TTC7B: variants seen among roughly 807,000 people sequenced by gnomAD.
The protein encoded by TTC7B is tetratricopeptide repeat protein 7B.
TTC7B carries 28 observed loss-of-function variants against 106.8 expected under a neutral mutation model. The observed-to-expected ratio is 0.26, with a 90% confidence interval of 0.19 to 0.36. The LOEUF (loss-of-function observed/expected upper bound fraction) is 0.36. Among genes scored for constraint, TTC7B ranks in the 10% least tolerant of loss-of-function variants. The probability of loss-of-function intolerance (pLI) is 1.00; values close to 1 mark genes in which losing one functional copy is unlikely to be tolerated. For missense variants in TTC7B, 862 were observed against 1,076.4 expected, an observed-to-expected ratio of 0.80 and a Z score of 2.79; for synonymous variants, 405 against 430.6, an observed-to-expected ratio of 0.94 and a Z score of 0.74.
In TTC7B at chr14:90,570,791, G is replaced by A. The variant is rs1158124025; in HGVS notation, c.2310+7315C>T. On this transcript the variant is annotated intron_variant, in intron 19 of 19. Coordinates refer to ENST00000328459, the MANE Select transcript of TTC7B (RefSeq NM_001010854.2). This position sits in a 1 kb window ranked among gnomAD's most constrained non-coding sequence, Gnocchi z 4.0. ...ATATTTGCGGAGTGTGAGGCACCCTGCTAACTCATTTAACCCGCACAGCAA... is the reference window on the plus strand; with the variant it reads ...ATATTTGCGGAGTGTGAGGCACCCTACTAACTCATTTAACCCGCACAGCAA... 1.3e-5 allele frequency among the ~76,000 whole-genome samples: 2 copies of A among 152,184 alleles called. No individual in the cohort carries two copies. The highest frequency in any genetic ancestry group is 4.8e-5 in the African/African-American group (2 of 41,448).
intron 1 of TTC7B, among the ~76,000 whole-genome samples, chr14:90,809,621 T>G (rs999216856): frequency 1.3e-5 from 2 of 152,258 alleles, no homozygotes; most frequent in Admixed American, 6.5e-5. Context: ...TCACGTAATA[T>G]TGATGTAACT....
chr14:90,729,944 G>GAAA (rs5810520), intron 5 of TTC7B, 131 bp downstream of exon 5: 1,482 of 843,648 alleles, frequency 1.8e-3, no homozygotes, highest in Non-Finnish European at 2.1e-3. Context: ...TTCTTTAAAA[G>GAAA]AAAAAAAAAG....
rs1368423212 is a variant in TTC7B, at chr14:90,570,491, C to T, written c.2310+7615G>A. On this transcript the variant is annotated intron_variant, in intron 19 of 19. Transcript: ENST00000328459. This position sits in a 1 kb window ranked among gnomAD's most constrained non-coding sequence, Gnocchi z 4.0. ...CCCCAGGGGCCTCCACCAATGCACT[C>T]TCCCACCCTTTTCCACCTCAAAACC... Among the ~76,000 whole-genome samples the T allele has an allele frequency of 6.6e-6, 1 of 152,170 alleles. No individual in the cohort carries two copies. Among genetic ancestry groups the T allele is most frequent in the Non-Finnish European group, 1.5e-5 (1 of 68,032 alleles).
At chr14:90,783,123 G>A (rs906106033) in intron 2 of TTC7B, among the ~76,000 whole-genome samples, 4 of 152,196 alleles carry the variant, frequency 2.6e-5, no homozygotes, top group African/African-American at 9.7e-5. Flanking sequence ...CCTGGGCAGT[G>A]GGAGAACAGC....
chr14:90,731,249 C>T (rs1274097599), intron 4 of TTC7B, among the ~76,000 whole-genome samples: 1 of 152,184 alleles, frequency 6.6e-6, no homozygotes, highest in African/African-American at 2.4e-5. Context: ...CTGCGCCCGG[C>T]CTGCTGCTAC....
intron 5 of TTC7B, among the ~76,000 whole-genome samples, chr14:90,725,940 A>G (rs1451831801): frequency 6.6e-6 from 1 of 152,258 alleles, no homozygotes; most frequent in Non-Finnish European, 1.5e-5. Context: ...AGCAACCTGC[A>G]GTAACTAATT....
Position 90,578,037 on chromosome 14 carries a change from T to G in TTC7B, c.2310+69A>C, listed in dbSNP as rs1891327953. On this transcript the variant is annotated intron_variant, in intron 19 of 19. Coordinates refer to ENST00000328459, the MANE Select transcript of TTC7B (RefSeq NM_001010854.2). The surrounding 1 kb of genome is among the most constrained non-coding windows in gnomAD (Gnocchi z 4.7). Reference sequence around the variant, plus strand: ...AGCAGAAGAGGGTGTGAGGGTCATGTGCTACCTGCCGCTTCCAAGGGCTGT... The same window carrying G: ...AGCAGAAGAGGGTGTGAGGGTCATGGGCTACCTGCCGCTTCCAAGGGCTGT... 1.3e-6 allele frequency: 2 copies of G among 1,529,306 alleles called. No individual in the cohort carries two copies. Among genetic ancestry groups the G allele is most frequent in the Non-Finnish European group, 1.8e-6 (2 of 1,131,026 alleles). 94.7% of individuals were successfully genotyped at this position (1,529,306 alleles called of 1,614,324 possible).
At position 90,570,361 on chromosome 14, in the gene TTC7B, A is replaced by C. The variant is rs1279674456; in HGVS notation, c.2310+7745T>G. On this transcript the variant is annotated intron_variant, in intron 19 of 19. Transcript: ENST00000328459. The surrounding 1 kb of genome is among the most constrained non-coding windows in gnomAD (Gnocchi z 4.0). ...GCCAAGGCCAAGCCAGCAAACACTC[A>C]AAGCCTCTGCACCAAGGCAGGAGCC... Among the ~76,000 whole-genome samples, 1 of 152,240 alleles carries C rather than the reference A, an allele frequency of 6.6e-6. No homozygotes were observed. The highest frequency in any genetic ancestry group is 1.5e-5 in the Non-Finnish European group (1 of 68,044).
intron 15 of TTC7B, among the ~76,000 whole-genome samples, chr14:90,622,856 C>T (rs1366827658): frequency 6.6e-6 from 1 of 152,170 alleles, no homozygotes; most frequent in East Asian, 1.9e-4. Flanking sequence ...CCAAATCTAG[C>T]ATTTCATACA....
chr14:90,584,727 A>G (rs1020720070), intron 18 of TTC7B, among the ~76,000 whole-genome samples: 4 of 151,658 alleles, frequency 2.6e-5, no homozygotes, highest in African/African-American at 9.7e-5. Flanking sequence ...CTCGCAGCTC[A>G]AGCCGGCAGC....
At chr14:90,714,817 A>G (rs564454645) in intron 5 of TTC7B, among the ~76,000 whole-genome samples, 15 of 152,224 alleles carry the variant, frequency 9.9e-5, no homozygotes, top group African/African-American at 3.4e-4. Flanking sequence ...TAAATATGTG[A>G]ATTATACACA....
chr14:90,674,524 C>T (rs976261804), intron 9 of TTC7B, among the ~76,000 whole-genome samples: 1 of 152,210 alleles, frequency 6.6e-6, no homozygotes, highest in African/African-American at 2.4e-5. Context: ...CCCCCGTCAG[C>T]ACATGGGCCA....
At chr14:90,799,991 C>G (rs2030152907) in intron 1 of TTC7B, among the ~76,000 whole-genome samples, 1 of 152,078 alleles carries the variant, frequency 6.6e-6, no homozygotes, top group Non-Finnish European at 1.5e-5. Flanking sequence ...CGCCACCACG[C>G]CCAGCTAATT....
In TTC7B at chr14:90,781,234, T is replaced by C. The variant is rs534065302; in HGVS notation, c.277-328A>G. The stretch of plus-strand genomic sequence containing the variant: ...AGGCCACATATTGTATGCTTCCACG[T>C]GTATGAAATGTCCAGGATAGTCAAG... On this transcript the variant is annotated intron_variant, in intron 2 of 19. Coordinates refer to ENST00000328459, the MANE Select transcript of TTC7B (RefSeq NM_001010854.2). Among the ~76,000 whole-genome samples the C allele has an allele frequency of 1.4e-3, 206 of 152,252 alleles. 1 individual carries two copies. The highest frequency in any genetic ancestry group is 0.011 in the South Asian group (54 of 4,824).
intron 14 of TTC7B, among the ~76,000 whole-genome samples, chr14:90,646,462 G>C (rs1205093045): frequency 6.6e-6 from 1 of 152,216 alleles, no homozygotes; most frequent in Non-Finnish European, 1.5e-5. Flanking sequence ...GTGTGTAACT[G>C]TTCATGTTTT....
rs905529541 is a variant in TTC7B at position 90,589,111 on chromosome 14, G to A, written c.2107+4375C>T. On this transcript the variant is annotated intron_variant, in intron 18 of 19. Coordinates refer to ENST00000328459, the MANE Select transcript of TTC7B (RefSeq NM_001010854.2). ...GAGAATTCATTGTGTTGGCAAGGGC[G>A]TGAGAAAGTGGACGTTAGCACATTG... 3.3e-5 allele frequency among the ~76,000 whole-genome samples: 5 copies of A among 152,210 alleles called. No individual in the cohort carries two copies. In the East Asian group the frequency reaches 5.8e-4, roughly 18 times the overall value.
At chr14:90,632,086 G>A (rs1313167911) in intron 15 of TTC7B, among the ~76,000 whole-genome samples, 3 of 152,188 alleles carry the variant, frequency 2.0e-5, no homozygotes, top group Non-Finnish European at 2.9e-5. Flanking sequence ...CAACTCGCCT[G>A]TGTCCAAAGG....
intron 6 of TTC7B, among the ~76,000 whole-genome samples, chr14:90,694,557 A>ATAT: frequency 1.5e-5 from 2 of 130,322 alleles, no homozygotes; most frequent in Middle Eastern, 7.9e-3. Flanking sequence ...GCAAGTTCAC[A>ATAT]AGCCCAGTGA....
rs533091993 is a variant in TTC7B at position 90,528,147 on chromosome 14, T to C, written c.*13221A>G. The C allele has an allele frequency of 6.6e-6, 1 of 152,142 alleles. No homozygotes were observed. The highest frequency in any genetic ancestry group is 1.5e-5 in the Non-Finnish European group (1 of 68,036). 9.4% of individuals were successfully genotyped at this position (152,142 alleles called of 1,614,324 possible). Reference sequence around the variant, plus strand: ...CCCATACAAACCATGGAAACAGGAATGGGTGACAGCCCCACGCTCCCCTGC... The same window carrying C: ...CCCATACAAACCATGGAAACAGGAACGGGTGACAGCCCCACGCTCCCCTGC... On this transcript the variant is annotated 3_prime_UTR_variant, in exon 20 of 20. Coordinates refer to ENST00000328459, the MANE Select transcript of TTC7B (RefSeq NM_001010854.2).
Sources: gnomAD v4.1 joint callset for allele counts (sites outside exome capture counted in the v4.1 genomes callset) on GRCh38, gnomAD v4.1.1 for gene constraint, Gnocchi (gnomAD v3.1) non-coding constraint, MANE v1.5 for transcripts, NCBI Gene and HGNC (gene_info 2026-07-23, HGNC 2026-07-21) for gene names.